PCDHGA3: variants seen among roughly 807,000 people sequenced by gnomAD.
PCDHGA3 encodes the protein protocadherin gamma-A3.
In PCDHGA3, 40 loss-of-function variants were observed where a neutral mutation model predicts 58.5. The observed-to-expected ratio is 0.68, with a 90% CI of 0.53 to 0.89. The LOEUF (loss-of-function observed/expected upper bound fraction) is 0.89. Ranked by LOEUF, PCDHGA3 falls within the 40% of genes least tolerant of loss-of-function variation. The pLI is 0.00. For missense variants in PCDHGA3, 1,223 were observed against 1,195.9 expected, an observed-to-expected ratio of 1.02 and a Z score of -0.33; for synonymous variants, 530 against 525.7, an observed-to-expected ratio of 1.01 and a Z score of -0.11.
chr5:141,361,562 C>T, intron 1 of PCDHGA3: 3 of 1,614,074 alleles, frequency 1.9e-6, no homozygotes, highest in Non-Finnish European at 2.5e-6. Flanking sequence ...CAAATCAGTG[C>T]CTCTGACCCT....
At chr5:141,422,206 G>C (rs1269700250) in intron 1 of PCDHGA3, 2 of 1,562,442 alleles carry the variant, frequency 1.3e-6, no homozygotes, top group East Asian at 4.5e-5. Context: ...AGATGGTGGA[G>C]GTCTCTTTAC....
intron 1 of PCDHGA3, chr5:141,422,759 A>G (rs2096670710): frequency 6.2e-7 from 1 of 1,613,252 alleles, no homozygotes; most frequent in Non-Finnish European, 8.5e-7. Flanking sequence ...ATTAACTCCA[A>G]CACTGGTGTT....
intron 1 of PCDHGA3, chr5:141,383,550 C>A: frequency 6.2e-7 from 1 of 1,612,098 alleles, no homozygotes; most frequent in Non-Finnish European, 8.5e-7. Flanking sequence ...CCTCTGATGG[C>A]GGCGACCCGC....
At chr5:141,355,112 A>C (rs1371168297) in intron 1 of PCDHGA3, 6 of 1,509,972 alleles carry the variant, frequency 4.0e-6, no homozygotes, top group Non-Finnish European at 4.4e-6. Context: ...CTGTGAATGC[A>C]CTTTATTTTG....
At chr5:141,369,791 C>T (rs1275823255) in intron 1 of PCDHGA3, among the ~76,000 whole-genome samples, 1 of 152,190 alleles carries the variant, frequency 6.6e-6, no homozygotes, top group African/African-American at 2.4e-5. Flanking sequence ...CTTTATACTA[C>T]GTCTTCTGCC....
chr5:141,372,398 G>A lies in PCDHGA3; in HGVS notation c.2424+25941G>A, dbSNP rs772578154. The stretch of plus-strand genomic sequence containing the variant: ...TGCACCTAATCTTCGCAGATAGCTT[G>A]CAAGAGATACAACCTGACCTTAGCG... On this transcript the variant is annotated intron_variant, in intron 1 of 3. Transcript: ENST00000253812. 22 of 1,614,058 alleles carry A rather than the reference G, an allele frequency of 1.4e-5. No individual in the cohort carries two copies. The East Asian group carries it at 4.9e-4, about 36-fold the overall frequency.
intron 1 of PCDHGA3, among the ~76,000 whole-genome samples, chr5:141,472,136 A>T (rs1172420221): frequency 1.1e-4 from 17 of 152,262 alleles, no homozygotes; most frequent in Non-Finnish European, 2.5e-4. Flanking sequence ...AGTTAAAAAT[A>T]AAAGTTTCAT....
intron 1 of PCDHGA3, among the ~76,000 whole-genome samples, chr5:141,464,882 A>T (rs1418376370): frequency 6.6e-6 from 1 of 151,918 alleles, no homozygotes; most frequent in Middle Eastern, 3.2e-3. Context: ...AGGACTACAG[A>T]TGGATGCCAC....
intron 1 of PCDHGA3, chr5:141,375,808 G>A (rs992921332): frequency 6.2e-7 from 1 of 1,614,226 alleles, no homozygotes; most frequent in Non-Finnish European, 8.5e-7. Context: ...CCACTGGCGT[G>A]GAGCTGGCGC....
intron 1 of PCDHGA3, among the ~76,000 whole-genome samples, chr5:141,455,146 A>G (rs2098814943): frequency 6.7e-6 from 1 of 149,242 alleles, no homozygotes; most frequent in South Asian, 2.1e-4. Flanking sequence ...TGTTAAATAA[A>G]TATTAGTTTG....
chr5:141,451,739 G>A (rs1343538104), intron 1 of PCDHGA3, among the ~76,000 whole-genome samples: 1 of 152,082 alleles, frequency 6.6e-6, no homozygotes, highest in East Asian at 1.9e-4. Flanking sequence ...AAAATTAGCT[G>A]GTCTGGTGGT....
At chr5:141,459,845 T>C (rs914128032) in intron 1 of PCDHGA3, among the ~76,000 whole-genome samples, 1 of 152,232 alleles carries the variant, frequency 6.6e-6, no homozygotes, top group Admixed American at 6.5e-5. Flanking sequence ...TCTATTTGTA[T>C]ATCTTCTTGA....
At chr5:141,407,261 C>G (rs1396861077) in intron 1 of PCDHGA3, among the ~76,000 whole-genome samples, 1 of 152,128 alleles carries the variant, frequency 6.6e-6, no homozygotes, top group Non-Finnish European at 1.5e-5. Flanking sequence ...TATTTTTAAC[C>G]ATGCAACAAG....
rs553860713 is a variant in PCDHGA3, at chr5:141,410,124, G to C, written c.2424+63667G>C. On this transcript the variant is annotated intron_variant, in intron 1 of 3. Coordinates refer to ENST00000253812, the MANE Select transcript of PCDHGA3 (RefSeq NM_018916.4). ...GGCGACAGGGACGCAGCCCGCCAGC[G>C]CCTGCTGGTCGCTGTGCGTGACGGT... is the stretch of plus-strand genomic sequence containing the variant. 1.2e-5 allele frequency: 20 copies of C among 1,612,726 alleles called. No homozygotes were observed. In the South Asian group the frequency reaches 2.2e-4, roughly 18 times the overall value.
intron 1 of PCDHGA3, chr5:141,374,479 A>T (rs756371683): frequency 1.2e-6 from 2 of 1,611,840 alleles, no homozygotes; most frequent in Non-Finnish European, 1.7e-6. Flanking sequence ...ATACACCCCG[A>T]TTCTTAAAGG....
chr5:141,382,701 T>G, intron 1 of PCDHGA3: 2 of 460,044 alleles, frequency 4.3e-6, no homozygotes, highest in Non-Finnish European at 7.6e-6. Flanking sequence ...GTGCGAGAGA[T>G]CCCACAGAAA....
rs1188941232 is a variant in PCDHGA3, at chr5:141,512,270, G to A, written c.*1097G>A. ...TCTGTGGGTGCTGGGTACTCCAGAG[G>A]TGCCACTGGTGGAAGGGTCAGCGGA... On this transcript the variant is annotated 3_prime_UTR_variant, in exon 4 of 4. Coordinates refer to ENST00000253812, the MANE Select transcript of PCDHGA3 (RefSeq NM_018916.4). The A allele has an allele frequency of 1.3e-5, 2 of 152,714 alleles. No individual in the cohort carries two copies. The highest frequency in any genetic ancestry group is 2.9e-5 in the Non-Finnish European group (2 of 68,100). The allele number at this position is 152,714 out of a possible 1,614,324, so 9.5% of individuals were successfully genotyped here.
intron 1 of PCDHGA3, among the ~76,000 whole-genome samples, chr5:141,472,542 GA>G (rs904556404): frequency 1.6e-4 from 23 of 147,144 alleles, no homozygotes; most frequent in African/African-American, 4.2e-4. Context: ...ACCATCTCAA[GA>G]AAAAAAAAAT....
intron 1 of PCDHGA3, chr5:141,385,465 G>A: frequency 6.9e-7 from 1 of 1,441,910 alleles, no homozygotes; most frequent in Non-Finnish European, 9.1e-7. Flanking sequence ...TCCTTCAGTG[G>A]TGACACTTTA....
Sources: gnomAD v4.1 joint callset for allele counts (sites outside exome capture counted in the v4.1 genomes callset) on GRCh38, gnomAD v4.1.1 for gene constraint, MANE v1.5 for transcripts, NCBI Gene and HGNC (gene_info 2026-07-23, HGNC 2026-07-21) for gene names.